Variants in MASP1 observed in about 807,000 individuals in gnomAD.
The protein encoded by MASP1 is MBL associated serine protease 1, also known as mannan-binding lectin serine protease 1.
MASP1 carries 59 observed loss-of-function variants against 77.1 expected under a neutral mutation model. The ratio of observed to expected loss-of-function variants is 0.77; its 90% CI spans 0.62 to 0.95. The LOEUF is 0.95. Ranked by LOEUF, MASP1 falls within the 40% of genes least tolerant of loss-of-function variation. The pLI is 0.00. For synonymous variants in MASP1, 362 were observed against 354.5 expected, an observed-to-expected ratio of 1.02 and a Z score of -0.24; for missense variants, 885 against 912.9, an observed-to-expected ratio of 0.97 and a Z score of 0.39.
At chr3:187,220,107 C>G (rs1299998082) in exon 16 of MASP1, 4 of 1,614,064 alleles carry the variant, frequency 2.5e-6, no homozygotes, top group Non-Finnish European at 3.4e-6. Flanking sequence ...GGATCCAGTC[C>G]TTGTTGTGGT....
At chr3:187,220,971 T>A in intron 15 of MASP1, 4 of 1,408,798 alleles carry the variant, frequency 2.8e-6, no homozygotes, top group Non-Finnish European at 4.0e-6. Context: ...CTGTGCTCCC[T>A]TGCTGGCTCT....
At chr3:187,277,878 G>C (rs1717089070) in intron 2 of MASP1, among the ~76,000 whole-genome samples, 1 of 152,124 alleles carries the variant, frequency 6.6e-6, no homozygotes, top group Non-Finnish European at 1.5e-5. Context: ...ATAGTGCTTT[G>C]GAAGCACTTT....
intron 3 of MASP1, among the ~76,000 whole-genome samples, chr3:187,262,137 T>G (rs972989776): frequency 2.0e-5 from 3 of 152,190 alleles, no homozygotes; most frequent in Admixed American, 2.0e-4. Flanking sequence ...TAAAGTTCAG[T>G]GTCTTGTTAG....
chr3:187,233,265 A>G (rs935655436), downstream of MASP1, among the ~76,000 whole-genome samples: 13 of 152,206 alleles, frequency 8.5e-5, no homozygotes, highest in Admixed American at 5.2e-4. Flanking sequence ...AGTGATTCTC[A>G]TATACCCCAA....
chr3:187,287,100 C>T (rs1717923336), intron 1 of MASP1, among the ~76,000 whole-genome samples: 1 of 152,202 alleles, frequency 6.6e-6, no homozygotes. Context: ...CCCCAACCCA[C>T]CCACCAGCAG....
chr3:187,274,641 G>C (rs1183401923), intron 2 of MASP1, among the ~76,000 whole-genome samples: 2 of 152,146 alleles, frequency 1.3e-5, no homozygotes, highest in East Asian at 3.8e-4. Context: ...TGTTAATTAG[G>C]GTGAAAACCT....
chr3:187,268,891 C>T (rs1277855512), intron 2 of MASP1, among the ~76,000 whole-genome samples: 1 of 151,918 alleles, frequency 6.6e-6, no homozygotes, highest in Non-Finnish European at 1.5e-5. Flanking sequence ...ATAGTGAAGC[C>T]CCATCTCTAC....
intron 5 of MASP1, among the ~76,000 whole-genome samples, chr3:187,253,828 G>A (rs1359780785): frequency 6.6e-6 from 1 of 152,054 alleles, no homozygotes; most frequent in Non-Finnish European, 1.5e-5. Context: ...TCACACACCA[G>A]GGCCTGTCAG....
chr3:187,279,083 C>T (rs1717199632), intron 2 of MASP1, among the ~76,000 whole-genome samples: 1 of 152,108 alleles, frequency 6.6e-6, no homozygotes, highest in Non-Finnish European at 1.5e-5. Context: ...GCTATGAATT[C>T]TTTAGACAGA....
chr3:187,254,767 T>C, intron 5 of MASP1, among the ~76,000 whole-genome samples: 1 of 152,190 alleles, frequency 6.6e-6, no homozygotes, highest in South Asian at 2.1e-4. Flanking sequence ...CAATAGGCTC[T>C]ATTATCTGAT....
rs1714591196 is a variant in MASP1 at position 187,251,517 on chromosome 3, A to G, written c.1011+117T>C. ...GCATTTGAGAAGTTGATGGGCAGCT[A>G]GGAAATTCTGTGCTGGAACTATGAC... is the stretch of plus-strand genomic sequence containing the variant. On this transcript the variant is annotated intron_variant, in intron 7 of 10. Coordinates refer to ENST00000296280, the MANE Select transcript of MASP1 (RefSeq NM_139125.4). 1.4e-5 allele frequency: 12 copies of G among 839,462 alleles called. No individual in the cohort carries two copies. In the South Asian group the frequency reaches 1.5e-4, roughly 10 times the overall value. 52.0% of individuals were successfully genotyped at this position (839,462 alleles called of 1,614,324 possible). A position where few individuals can be genotyped will look rare whatever the true frequency, so the allele number is the denominator to read the frequency against.
chr3:187,247,733 A>G (rs1714217953), intron 8 of MASP1, among the ~76,000 whole-genome samples: 1 of 152,168 alleles, frequency 6.6e-6, no homozygotes, highest in Non-Finnish European at 1.5e-5. Context: ...GGGTCACCAC[A>G]GCAAGGTGGA....
intron 7 of MASP1, 56 bp downstream of exon 7, chr3:187,251,577 AG>A: frequency 5.1e-6 from 7 of 1,385,768 alleles, no homozygotes; most frequent in Non-Finnish European, 7.1e-6. Flanking sequence ...GGGGAGGGGC[AG>A]GTTTCGAGAG....
chr3:187,262,958 G>A, intron 2 of MASP1: 1 of 507,272 alleles, frequency 2.0e-6, no homozygotes, highest in South Asian at 2.7e-5. Context: ...GATATTTGTT[G>A]TTGCTGTCAA....
intron 2 of MASP1, among the ~76,000 whole-genome samples, chr3:187,274,377 T>G (rs1427635097): frequency 6.6e-6 from 1 of 151,874 alleles, no homozygotes; most frequent in Admixed American, 6.6e-5. Flanking sequence ...GTGACATGAC[T>G]CCCCCAAGTC....
At chr3:187,229,978 C>T (rs1712673112), downstream of MASP1, 11 of 1,514,516 alleles carry the variant, frequency 7.3e-6, no homozygotes, top group Admixed American at 5.4e-5. Flanking sequence ...AGCTCCTCAC[C>T]CTGTTAGGAA....
chr3:187,245,325 G>T (rs1360484727), intron 8 of MASP1, among the ~76,000 whole-genome samples: 1 of 151,992 alleles, frequency 6.6e-6, no homozygotes. Flanking sequence ...CTTAACTTTG[G>T]TCCACCTGAC....
intron 2 of MASP1, among the ~76,000 whole-genome samples, chr3:187,273,272 C>A (rs1390881544): frequency 6.6e-6 from 1 of 152,214 alleles, no homozygotes; most frequent in African/African-American, 2.4e-5. Context: ...CCTAGAGAGA[C>A]CTCCCAGCCC....
chr3:187,262,774 T>G, intron 2 of MASP1, 54 bp from the exon 3 acceptor site: 1 of 1,545,238 alleles, frequency 6.5e-7, no homozygotes, highest in Middle Eastern at 1.8e-4. Context: ...GCTAGGCTTC[T>G]TTCCTTATCT....
Sources: allele counts gnomAD v4.1 joint callset (sites outside exome capture counted in the v4.1 genomes callset), GRCh38; gene constraint gnomAD v4.1.1; transcripts MANE v1.5; gene names NCBI Gene and HGNC (gene_info 2026-07-23, HGNC 2026-07-21).